The following GABRD variants were observed in gnomAD, a reference collection of about 807,000 sequenced individuals.
GABRD encodes gamma-aminobutyric acid receptor subunit delta.
Under a neutral mutation model 47.3 loss-of-function variants are expected in GABRD, and 25 were observed. That is an observed-to-expected ratio of 0.53 (90% CI 0.39 to 0.74). The LOEUF is 0.74. Among genes scored for constraint, GABRD ranks in the 30% least tolerant of loss-of-function variants. GABRD has a pLI of 0.00. For synonymous variants in GABRD, 314 were observed against 278.8 expected, an observed-to-expected ratio of 1.13 and a Z score of -1.26; for missense variants, 497 against 643.4, an observed-to-expected ratio of 0.77 and a Z score of 2.46.
At chr1:2,020,273 G>T (rs909654901) in intron 1 of GABRD, among the ~76,000 whole-genome samples, 2 of 152,216 alleles carry the variant, frequency 1.3e-5, no homozygotes, top group African/African-American at 4.8e-5. Context: ...CCCACCACGG[G>T]GCCTGGCTGG....
intron 1 of GABRD, chr1:2,024,411 G>T (rs964720547): frequency 1.3e-5 from 2 of 152,450 alleles, no homozygotes; most frequent in African/African-American, 4.8e-5. Flanking sequence ...GGAGGAGACA[G>T]AGAGTAGGAG....
intron 2 of GABRD, 109 bp downstream of exon 2, chr1:2,025,163 T>C: frequency 7.9e-7 from 1 of 1,269,444 alleles, no homozygotes; most frequent in East Asian, 2.4e-5. Flanking sequence ...GAAGCCTGGC[T>C]CTCCCCTGGG....
At position 2,027,388 on chromosome 1, in the gene GABRD, C is replaced by G. The variant is rs1417738519; in HGVS notation, c.471-189C>G. On this transcript the variant is annotated intron_variant, in intron 4 of 8. Coordinates refer to ENST00000378585, the MANE Select transcript of GABRD (RefSeq NM_000815.5). ...GAATGAAATCCAGTTCTTGACGGTC[C>G]TAAAGGAATACTTGACGTCTATGAA... The G allele has an allele frequency of 7.7e-6, 5 of 649,496 alleles. No homozygotes were observed. The East Asian group carries it at 1.4e-4, about 18-fold the overall frequency. The allele number at this position is 649,496 out of a possible 1,614,324, so 40.2% of individuals were successfully genotyped here. A position where few individuals can be genotyped will look rare whatever the true frequency, so the allele number is the denominator to read the frequency against.
intron 4 of GABRD, among the ~76,000 whole-genome samples, chr1:2,026,259 C>T (rs555074380): frequency 6.6e-6 from 1 of 152,272 alleles, no homozygotes; most frequent in South Asian, 2.1e-4. Flanking sequence ...GTGTGTGGGA[C>T]CCTTTATGAC....
chr1:2,027,290 C>T (rs1027542420), intron 4 of GABRD: 11 of 493,304 alleles, frequency 2.2e-5, no homozygotes, highest in Non-Finnish European at 3.3e-5. Context: ...CGGGCCAGGG[C>T]CTGGGTGTGA....
At chr1:2,020,183 G>GC (rs1355098601) in intron 1 of GABRD, among the ~76,000 whole-genome samples, 1 of 152,214 alleles carries the variant, frequency 6.6e-6, no homozygotes, top group Non-Finnish European at 1.5e-5. Flanking sequence ...CGGGGCTGGA[G>GC]CCCCCTCTGG....
In GABRD at chr1:2,028,239, A is replaced by G. The variant is rs1557447332; in HGVS notation, c.638A>G (p.Gln213Arg). The change falls in exon 6 of 9, where the codon CAG (glutamine) becomes CGG (arginine). Residue 213 changes from glutamine to arginine, a missense_variant. This residue lies in a region of GABRD where 285 missense variants were observed against 436.6 expected (regional missense o/e 0.65). Coordinates refer to ENST00000378585, the MANE Select transcript of GABRD (RefSeq NM_000815.5). This position sits in a 1 kb window ranked among gnomAD's most constrained non-coding sequence, Gnocchi z 6.4. The part of the protein sequence containing the change: ...IHGLDKLQLA[Q>R]FTITSYRFTT... Reference sequence around the variant, plus strand: ...GGGCTGGACAAGCTGCAGCTGGCGCAGTTCACCATCACCAGCTACCGCTTC... The same window carrying G: ...GGGCTGGACAAGCTGCAGCTGGCGCGGTTCACCATCACCAGCTACCGCTTC... The G allele has an allele frequency of 6.2e-7, 1 of 1,612,404 alleles. No individual in the cohort carries two copies. The highest frequency in any genetic ancestry group is 8.5e-7 in the Non-Finnish European group (1 of 1,179,792).
intron 4 of GABRD, chr1:2,027,251 C>G (rs2102149860): frequency 2.3e-6 from 1 of 426,236 alleles, no homozygotes; most frequent in East Asian, 5.0e-5. Context: ...AACTCTGGGC[C>G]TATTCCCGTG....
chr1:2,029,481 C>T (rs1157234196), intron 7 of GABRD, 70 bp from the exon 8 acceptor site: 3 of 1,587,320 alleles, frequency 1.9e-6, no homozygotes, highest in South Asian at 1.1e-5. Context: ...CCGTGGGTCA[C>T]AGGCATCAAG....
chr1:2,025,209 C>G (rs1658886671), intron 2 of GABRD, 125 bp from the exon 3 acceptor site: 2 of 1,318,582 alleles, frequency 1.5e-6, no homozygotes, highest in South Asian at 2.5e-5. Flanking sequence ...CAGAGACAGC[C>G]AGGGAGGTGC....
intron 5 of GABRD, 136 bp downstream of exon 5, chr1:2,027,795 C>A: frequency 1.2e-6 from 1 of 822,328 alleles, no homozygotes; most frequent in Admixed American, 2.1e-5. Flanking sequence ...ATGCAAGAAG[C>A]CTGGGCAGGA....
chr1:2,029,126 G>T lies in GABRD; in HGVS notation c.707G>T (p.Arg236Leu). 1 of 1,542,802 alleles carries T rather than the reference G, an allele frequency of 6.5e-7. No individual in the cohort carries two copies. Among genetic ancestry groups the T allele is most frequent in the Non-Finnish European group, 8.7e-7 (1 of 1,146,998 alleles). The change falls in exon 7 of 9, where the codon CGG (arginine) becomes CTG (leucine). Residue 236 changes from arginine (R) to leucine (L), a missense_variant. Around this residue, in one of 3 missense-constraint regions of GABRD, gnomAD observed 285 missense variants for 436.6 expected, o/e 0.65. Transcript: ENST00000378585. Reference protein sequence around the residue: ...MNFKSAGQFPRLSLHFHLRRN... With the variant: ...MNFKSAGQFPLLSLHFHLRRN... ...GTCCTGGCAGCTGGCCAGTTCCCAC[G>T]GCTCAGCCTGCACTTCCACCTGCGG...
chr1:2,020,835 G>A (rs111355891), intron 1 of GABRD, among the ~76,000 whole-genome samples: 50 of 152,218 alleles, frequency 3.3e-4, no homozygotes, highest in African/African-American at 1.1e-3. Context: ...AGCAAGTCCC[G>A]TCCCGCATGG....
At position 2,029,578 on chromosome 1, in the gene GABRD, C is replaced by T. The variant is rs778104822; in HGVS notation, c.875C>T (p.Thr292Met). 23 of 1,612,990 alleles carry T rather than the reference C, an allele frequency of 1.4e-5. No homozygotes were observed. Among genetic ancestry groups the T allele is most frequent in the East Asian group, 2.2e-5 (1 of 44,874 alleles). The change falls in exon 8 of 9, where the codon ACG (threonine) becomes ATG (methionine). Residue 292 changes from threonine (T) to methionine (M), a missense_variant. Physicochemically the swap from Thr to Met is moderately conservative, Grantham distance 81. Around this residue, in one of 3 missense-constraint regions of GABRD, gnomAD observed 285 missense variants for 436.6 expected, o/e 0.65. Coordinates refer to ENST00000378585, the MANE Select transcript of GABRD (RefSeq NM_000815.5). ...ATCACCACGGTGCTGACGATGACCA[C>T]GCTCATGGTCAGTGCCCGCTCCTCC... is the stretch of plus-strand genomic sequence containing the variant. ...LGITTVLTMT[T>M]LMVSARSSLP...
rs201841854 is a variant in GABRD, at chr1:2,030,101, C to T, written c.1178C>T (p.Ser393Leu). 1.4e-5 allele frequency: 22 copies of T among 1,594,980 alleles called. No homozygotes were observed. In the East Asian group the frequency reaches 2.5e-4, roughly 18 times the overall value. Reference protein sequence around the residue: ...VPGNLMGSYRSVGVETGETKK... With the variant: ...VPGNLMGSYRLVGVETGETKK... Reference sequence around the variant, plus strand: ...GGGAACCTGATGGGCTCCTACAGGTCGGTGGGGGTGGAGACAGGGGAGACG... The same window carrying T: ...GGGAACCTGATGGGCTCCTACAGGTTGGTGGGGGTGGAGACAGGGGAGACG... The change falls in exon 9 of 9, where the codon TCG becomes TTG. Residue 393 changes from serine to leucine, a missense_variant. Ser to Leu is a moderately radical substitution (Grantham distance 145, BLOSUM62 -2). Around this residue, in one of 3 missense-constraint regions of GABRD, gnomAD observed 121 missense variants for 121.3 expected, o/e 1.00. Transcript: ENST00000378585.
chr1:2,025,122 C>T, intron 2 of GABRD, 68 bp downstream of exon 2: 1 of 1,417,970 alleles, frequency 7.1e-7, no homozygotes, highest in Non-Finnish European at 9.8e-7. Flanking sequence ...GCTGTGTGGC[C>T]CACTGGGCTG....
In GABRD at chr1:2,024,945, G is replaced by A. The variant is rs772327427; in HGVS notation, c.72G>A (p.Ala24=). Residue 24 remains alanine, a synonymous_variant, in exon 2 of 9, where the codon GCG becomes GCA. Coordinates refer to ENST00000378585, the MANE Select transcript of GABRD (RefSeq NM_000815.5). ...ACCGGTGGCTTTGCATCCCCAGAGC[G>A]ATGAATGACATCGGCGACTACGTGG... ...LCAQQLRGTR[A]MNDIGDYVGS... The A allele has an allele frequency of 2.2e-5, 36 of 1,610,326 alleles. No individual in the cohort carries two copies. The highest frequency in any genetic ancestry group is 3.3e-4 in the Middle Eastern group (2 of 6,076).
At chr1:2,027,164 TAAAC>T (rs1483851200) in intron 4 of GABRD, 7 of 327,964 alleles carry the variant, frequency 2.1e-5, no homozygotes, top group South Asian at 4.9e-5. Flanking sequence ...CCCTGTCTCA[TAAAC>T]AAACAAAAAC....
rs1476536478 is a variant in GABRD at position 2,019,499 on chromosome 1, G to A, written c.68+8G>A. The A allele has an allele frequency of 1.8e-6, 2 of 1,111,898 alleles. No individual in the cohort carries two copies. The highest frequency in any genetic ancestry group is 2.2e-6 in the Non-Finnish European group (2 of 912,516). 68.9% of individuals were successfully genotyped at this position (1,111,898 alleles called of 1,614,324 possible). A position where few individuals can be genotyped will look rare whatever the true frequency, so the allele number is the denominator to read the frequency against. ...GCAGCTCCGCGGCACCAGGTGAGCG[G>A]GCGGGGTCCGCGCGGCGCGGGGTCG... On this transcript the variant is annotated splice_region_variant and intron_variant, in intron 1 of 8. Coordinates refer to ENST00000378585, the MANE Select transcript of GABRD (RefSeq NM_000815.5).
Sources: gnomAD v4.1 joint callset for allele counts (sites outside exome capture counted in the v4.1 genomes callset) on GRCh38, gnomAD v4.1.1 for gene constraint, gnomAD v4.1.1 regional missense constraint, Gnocchi (gnomAD v3.1) non-coding constraint, MANE v1.5 for transcripts, NCBI Gene and HGNC (gene_info 2026-07-23, HGNC 2026-07-21) for gene names.